FHOD3: variants seen among roughly 807,000 people sequenced by gnomAD.
FHOD3 encodes the protein formin homology 2 domain containing 3.
A neutral mutation model predicts 173.0 loss-of-function variants in FHOD3; 90 were observed. That is an observed-to-expected ratio of 0.52 (90% CI 0.44 to 0.62). The LOEUF is 0.62. Among genes scored for constraint, FHOD3 ranks in the 20% least tolerant of loss-of-function variants. The pLI is 0.00. For synonymous variants in FHOD3, 828 were observed against 823.0 expected (o/e 1.01, Z -0.10); for missense variants, 1,945 against 2,034.7 (o/e 0.96, Z 0.85).
At chr18:36,576,336 G>T (rs2058647595) in intron 5 of FHOD3, 115 bp from the exon 6 acceptor site, 5 of 599,672 alleles carry the variant, frequency 8.3e-6, no homozygotes, top group Non-Finnish European at 1.3e-5. Context: ...CCTCAGATTT[G>T]ATTCTTAACA....
At chr18:36,487,809 C>T (rs1295676634) in intron 3 of FHOD3, among the ~76,000 whole-genome samples, 1 of 152,172 alleles carries the variant, frequency 6.6e-6, no homozygotes, top group Non-Finnish European at 1.5e-5. Context: ...GCACTCTTGG[C>T]TTAGCCCTCC....
At chr18:36,600,284 C>CACACAT (rs1021281598) in intron 7 of FHOD3, among the ~76,000 whole-genome samples, 2 of 151,386 alleles carry the variant, frequency 1.3e-5, no homozygotes, top group Non-Finnish European at 2.9e-5. Context: ...CACACACACA[C>CACACAT]ACACATATGC....
At chr18:36,354,882 G>T (rs1394266340) in intron 1 of FHOD3, among the ~76,000 whole-genome samples, 1 of 152,064 alleles carries the variant, frequency 6.6e-6, no homozygotes, top group African/African-American at 2.4e-5. Flanking sequence ...GGGAGGCTGG[G>T]GCAGGAGAAT....
chr18:36,650,650 T>A (rs1568550587), intron 11 of FHOD3, among the ~76,000 whole-genome samples: 1 of 152,222 alleles, frequency 6.6e-6, no homozygotes, highest in African/African-American at 2.4e-5. Flanking sequence ...TAGGAAATTC[T>A]GTAGGCTATC....
At chr18:36,308,428 T>G (rs1349920701) in intron 1 of FHOD3, among the ~76,000 whole-genome samples, 2 of 152,202 alleles carry the variant, frequency 1.3e-5, no homozygotes, top group Non-Finnish European at 2.9e-5. Context: ...TTCCTTTCTT[T>G]GTGCAGCTGG....
At chr18:36,765,151 G>A (rs1055356297) in intron 27 of FHOD3, among the ~76,000 whole-genome samples, 2 of 152,192 alleles carry the variant, frequency 1.3e-5, no homozygotes, top group African/African-American at 2.4e-5. Context: ...GAAGGTCAGC[G>A]GGTGATGCTG....
At chr18:36,434,787 A>T (rs1198532295) in intron 3 of FHOD3, among the ~76,000 whole-genome samples, 2 of 152,030 alleles carry the variant, frequency 1.3e-5, no homozygotes, top group African/African-American at 4.8e-5. Context: ...TGTTAAATTT[A>T]TTCTTAGGTG....
At chr18:36,322,417 A>C (rs1568120517) in intron 1 of FHOD3, among the ~76,000 whole-genome samples, 1 of 152,112 alleles carries the variant, frequency 6.6e-6, no homozygotes, top group Non-Finnish European at 1.5e-5. Flanking sequence ...TTTTCTGCTG[A>C]ATCTCAGGTA....
chr18:36,344,942 C>T (rs2045810332), intron 1 of FHOD3, among the ~76,000 whole-genome samples: 1 of 152,160 alleles, frequency 6.6e-6, no homozygotes, highest in South Asian at 2.1e-4. Flanking sequence ...AGGAGGAAAT[C>T]TCATAGTGCT....
intron 17 of FHOD3, among the ~76,000 whole-genome samples, chr18:36,707,864 T>C (rs1279027847): frequency 6.6e-6 from 1 of 152,116 alleles, no homozygotes; most frequent in African/African-American, 2.4e-5. Flanking sequence ...CTTTGAGCAG[T>C]GTGTACCTAG....
rs573021189 is a variant in FHOD3, at chr18:36,691,667, C to T, written c.2022-1542C>T. Among the ~76,000 whole-genome samples, 50 of 152,302 alleles carry T rather than the reference C, an allele frequency of 3.3e-4. No homozygotes were observed. In the South Asian group the frequency reaches 3.9e-3, roughly 12 times the overall value. ...TGTGTCTACATATACATGCACTACA[C>T]ACCTTTTATCAGAGATTCACCATGA... is the stretch of plus-strand genomic sequence containing the variant. On this transcript the variant is annotated intron_variant, in intron 16 of 28. Coordinates refer to ENST00000590592, the MANE Select transcript of FHOD3 (RefSeq NM_001281740.3).
At chr18:36,722,836 C>G (rs1164506297) in intron 19 of FHOD3, among the ~76,000 whole-genome samples, 1 of 152,156 alleles carries the variant, frequency 6.6e-6, no homozygotes, top group African/African-American at 2.4e-5. Flanking sequence ...TGTTCCCCAC[C>G]ACCACTCTCC....
chr18:36,628,170 C>T (rs775187820), intron 10 of FHOD3, among the ~76,000 whole-genome samples: 25 of 152,172 alleles, frequency 1.6e-4, no homozygotes, highest in Non-Finnish European at 3.2e-4. Context: ...TTAACTCTCA[C>T]GATCATCCTC....
At chr18:36,339,387 G>A (rs887244753) in intron 1 of FHOD3, among the ~76,000 whole-genome samples, 2 of 152,208 alleles carry the variant, frequency 1.3e-5, no homozygotes, top group Admixed American at 6.5e-5. Context: ...CCCTAGGACC[G>A]ACTCCATGGG....
At chr18:36,314,733 G>A (rs2044035639) in intron 1 of FHOD3, among the ~76,000 whole-genome samples, 1 of 152,158 alleles carries the variant, frequency 6.6e-6, no homozygotes, top group Admixed American at 6.5e-5. Context: ...GTGCAGCCTG[G>A]GGACCTGCCT....
intron 18 of FHOD3, among the ~76,000 whole-genome samples, chr18:36,717,318 G>A (rs2040513318): frequency 6.6e-6 from 1 of 152,166 alleles, no homozygotes; most frequent in Admixed American, 6.5e-5. Flanking sequence ...GGAGACTAGG[G>A]ACCGTGATAA....
chr18:36,455,165 C>T (rs181027882), intron 3 of FHOD3, among the ~76,000 whole-genome samples: 1 of 152,284 alleles, frequency 6.6e-6, no homozygotes, highest in East Asian at 1.9e-4. Context: ...CTCAAAGTCA[C>T]TTCAGTTTCT....
intron 15 of FHOD3, among the ~76,000 whole-genome samples, chr18:36,682,571 G>A (rs559748577): frequency 6.6e-6 from 1 of 151,806 alleles, no homozygotes; most frequent in Admixed American, 6.6e-5. Flanking sequence ...ATTTAATAAC[G>A]TGTTTTTGTT....
chr18:36,606,250 A>G (rs573166064), intron 8 of FHOD3, among the ~76,000 whole-genome samples: 2 of 152,314 alleles, frequency 1.3e-5, no homozygotes, highest in South Asian at 4.1e-4. Context: ...TAATTTATAA[A>G]GAAATCGATT....
Sources: allele counts gnomAD v4.1 joint callset (sites outside exome capture counted in the v4.1 genomes callset), GRCh38; gene constraint gnomAD v4.1.1; transcripts MANE v1.5; gene names NCBI Gene and HGNC (gene_info 2026-07-23, HGNC 2026-07-21).